The following AGBL4 variants were observed in gnomAD, a reference collection of about 807,000 sequenced individuals.
The protein encoded by AGBL4 is AGBL carboxypeptidase 4, also known as cytosolic carboxypeptidase 6.
Under a neutral mutation model 66.4 loss-of-function variants are expected in AGBL4, and 58 were observed. The ratio of observed to expected loss-of-function variants is 0.87; its 90% CI spans 0.71 to 1.09. The LOEUF (loss-of-function observed/expected upper bound fraction) is 1.09, where lower values mean the gene tolerates loss of function less well. Among genes scored for constraint, AGBL4 ranks in the 50% least tolerant of loss-of-function variants. The pLI, the probability that AGBL4 is intolerant of heterozygous loss-of-function variation, is 0.00. For synonymous variants in AGBL4, 234 were observed against 222.9 expected, an observed-to-expected ratio of 1.05 and a Z score of -0.44; for missense variants, 579 against 631.0, an observed-to-expected ratio of 0.92 and a Z score of 0.88.
chr1:48,601,413 G>A (rs957634234), intron 9 of AGBL4, among the ~76,000 whole-genome samples: 1 of 152,188 alleles, frequency 6.6e-6, no homozygotes, highest in African/African-American at 2.4e-5. Flanking sequence ...TGCTGTGCTT[G>A]GCACTGGGGA....
intron 5 of AGBL4, among the ~76,000 whole-genome samples, chr1:48,881,273 T>C (rs1649756575): frequency 6.6e-6 from 1 of 152,242 alleles, no homozygotes; most frequent in African/African-American, 2.4e-5. Flanking sequence ...TTTTTTGTGA[T>C]TACAATAGGT....
At chr1:49,172,302 G>A (rs1469956725) in intron 4 of AGBL4, among the ~76,000 whole-genome samples, 1 of 152,190 alleles carries the variant, frequency 6.6e-6, no homozygotes, top group Non-Finnish European at 1.5e-5. Flanking sequence ...CAGACAGGCA[G>A]ACATATAATT....
At chr1:48,900,943 G>C (rs1250101050) in intron 5 of AGBL4, among the ~76,000 whole-genome samples, 1 of 152,064 alleles carries the variant, frequency 6.6e-6, no homozygotes, top group Non-Finnish European at 1.5e-5. Context: ...CCATAGATTA[G>C]GAGAAAATAT....
At chr1:49,245,559 T>C (rs1201444848) in intron 4 of AGBL4, among the ~76,000 whole-genome samples, 2 of 151,794 alleles carry the variant, frequency 1.3e-5, no homozygotes, top group Non-Finnish European at 3.0e-5. Context: ...ACCCAAAGAA[T>C]GGCCATACAG....
At chr1:49,652,805 T>C (rs1646035520) in intron 3 of AGBL4, among the ~76,000 whole-genome samples, 1 of 152,172 alleles carries the variant, frequency 6.6e-6, no homozygotes, top group Non-Finnish European at 1.5e-5. Flanking sequence ...CAGGGGTTTA[T>C]AAACAGAACT....
chr1:49,968,942 T>C (rs943498459), intron 1 of AGBL4, among the ~76,000 whole-genome samples: 4 of 152,218 alleles, frequency 2.6e-5, no homozygotes, highest in African/African-American at 9.6e-5. Flanking sequence ...GTTTTAACCA[T>C]TGTTATGTTA....
At chr1:48,914,822 A>AAGGAAG (rs1007534594) in intron 5 of AGBL4, among the ~76,000 whole-genome samples, 1 of 152,196 alleles carries the variant, frequency 6.6e-6, no homozygotes. Context: ...TCTGACACAT[A>AAGGAAG]AGGAAGAGGA....
intron 4 of AGBL4, among the ~76,000 whole-genome samples, chr1:49,226,959 T>C (rs1367549995): frequency 6.6e-6 from 1 of 152,172 alleles, no homozygotes; most frequent in Non-Finnish European, 1.5e-5. Context: ...TGCTTATAGC[T>C]GTGTCCTCAC....
chr1:48,652,974 C>T lies in AGBL4; in HGVS notation c.839+363G>A, dbSNP rs1299019656. On this transcript the variant is annotated intron_variant, in intron 8 of 13. Transcript: ENST00000371839. ...CCTTCCCACCATTTCTTTTGAAGCT[C>T]TCACAACTGCCCTTTCAGGTAAGTA... Among the ~76,000 whole-genome samples, 9 of 152,302 alleles carry T rather than the reference C, an allele frequency of 5.9e-5. No homozygotes were observed. In the East Asian group the frequency reaches 1.7e-3, roughly 29 times the overall value.
intron 3 of AGBL4, among the ~76,000 whole-genome samples, chr1:49,300,347 T>G (rs1486405571): frequency 6.6e-6 from 1 of 152,132 alleles, no homozygotes; most frequent in South Asian, 2.1e-4. Flanking sequence ...CATTAATTGG[T>G]AAAATGGGAA....
At chr1:49,788,360 C>CA (rs1644512345) in intron 2 of AGBL4, among the ~76,000 whole-genome samples, 1 of 151,510 alleles carries the variant, frequency 6.6e-6, no homozygotes, top group Non-Finnish European at 1.5e-5. Flanking sequence ...AGAATTTCTA[C>CA]AAAAAACATC....
intron 3 of AGBL4, among the ~76,000 whole-genome samples, chr1:49,405,737 C>T (rs116958630): frequency 1.2e-3 from 177 of 152,256 alleles, no homozygotes; most frequent in Non-Finnish European, 1.9e-3. Context: ...CTCAGATCTA[C>T]GTTTTTATCA....
chr1:48,761,988 G>C (rs188604128), intron 6 of AGBL4, among the ~76,000 whole-genome samples: 1 of 152,292 alleles, frequency 6.6e-6, no homozygotes, highest in East Asian at 1.9e-4. Flanking sequence ...CATAAGGCAG[G>C]CTGAGGTAAG....
intron 1 of AGBL4, among the ~76,000 whole-genome samples, chr1:49,921,823 G>A (rs779168880): frequency 2.2e-4 from 33 of 152,276 alleles, no homozygotes; most frequent in Admixed American, 6.5e-4. Context: ...CTCTGGCGGC[G>A]CTGGCAGCCG....
At chr1:48,820,509 A>G (rs1422026241) in intron 6 of AGBL4, among the ~76,000 whole-genome samples, 1 of 152,204 alleles carries the variant, frequency 6.6e-6, no homozygotes, top group Non-Finnish European at 1.5e-5. Context: ...GGTGGGCTTC[A>G]TCCAATCAGT....
intron 6 of AGBL4, among the ~76,000 whole-genome samples, chr1:48,722,267 G>A (rs1240829616): frequency 1.3e-5 from 2 of 152,168 alleles, no homozygotes; most frequent in African/African-American, 4.8e-5. Context: ...AGGGACGAAT[G>A]CAAAGTCCTG....
At chr1:49,348,103 C>T (rs191709173) in intron 3 of AGBL4, among the ~76,000 whole-genome samples, 82 of 151,864 alleles carry the variant, frequency 5.4e-4, no homozygotes, top group Admixed American at 2.6e-3. Flanking sequence ...GGGCCCTAAA[C>T]GCAGTCACAA....
At chr1:49,355,394 C>A (rs1643998724) in intron 3 of AGBL4, among the ~76,000 whole-genome samples, 1 of 152,154 alleles carries the variant, frequency 6.6e-6, no homozygotes. Flanking sequence ...CAATCCATCA[C>A]AAGTTCTTCT....
At chr1:49,140,955 C>A (rs999358427) in intron 4 of AGBL4, among the ~76,000 whole-genome samples, 1 of 152,094 alleles carries the variant, frequency 6.6e-6, no homozygotes, top group Non-Finnish European at 1.5e-5. Flanking sequence ...CTTCTTGGGG[C>A]TTTTAAAGGT....
Sources: allele counts gnomAD v4.1 joint callset (sites outside exome capture counted in the v4.1 genomes callset), GRCh38; gene constraint gnomAD v4.1.1; transcripts MANE v1.5; gene names NCBI Gene and HGNC (gene_info 2026-07-23, HGNC 2026-07-21).